The following RAPGEF5 variants were observed in gnomAD, a reference collection of about 807,000 sequenced individuals.
RAPGEF5 encodes the protein Rap guanine nucleotide exchange factor 5, also known as M-Ras-regulated GEF.
Under a neutral mutation model 125.2 loss-of-function variants are expected in RAPGEF5, and 65 were observed. That is an observed-to-expected ratio of 0.52 (90% CI 0.43 to 0.64). The LOEUF is 0.64. Ranked by LOEUF, RAPGEF5 falls within the 30% of genes least tolerant of loss-of-function variation. The pLI, the probability that RAPGEF5 is intolerant of heterozygous loss-of-function variation, is 0.00. For missense variants in RAPGEF5, 958 were observed against 1,048.1 expected (o/e 0.91, Z 1.19); for synonymous variants, 391 against 385.9 (o/e 1.01, Z -0.16).
chr7:22,314,642 A>C, intron 3 of RAPGEF5: 1 of 981,380 alleles, frequency 1.0e-6, no homozygotes, highest in South Asian at 4.7e-5. Flanking sequence ...TTTCTTTGAA[A>C]TAGAATAGTG....
chr7:22,247,022 A>T (rs1019223875), intron 7 of RAPGEF5, among the ~76,000 whole-genome samples: 1 of 152,238 alleles, frequency 6.6e-6, no homozygotes, highest in African/African-American at 2.4e-5. Context: ...TCAAAACTCC[A>T]ATGAGTTATC....
In RAPGEF5 at chr7:22,196,498, G is replaced by A. The variant is rs529619270; in HGVS notation, c.997-2465C>T. ...AATAGTGAGGGCTTGCTCCCTTTGC[G>A]TAAGGCACTGTTCTGGACACCAAGC... On this transcript the variant is annotated intron_variant, in intron 9 of 25. Coordinates refer to ENST00000665637, the MANE Select transcript of RAPGEF5 (RefSeq NM_012294.5). 1.7e-4 allele frequency among the ~76,000 whole-genome samples: 26 copies of A among 152,304 alleles called. No homozygotes were observed. In the South Asian group the frequency reaches 3.1e-3, roughly 18 times the overall value.
intron 11 of RAPGEF5, chr7:22,193,017 C>A (rs1385624447): frequency 2.8e-5 from 9 of 316,712 alleles, no homozygotes; most frequent in South Asian, 5.8e-5. Flanking sequence ...TGAACGCCTG[C>A]TAACCCTCCT....
chr7:22,248,506 C>T (rs1233006681), intron 7 of RAPGEF5, among the ~76,000 whole-genome samples: 1 of 152,156 alleles, frequency 6.6e-6, no homozygotes, highest in Admixed American at 6.5e-5. Flanking sequence ...CTTCCCTAAC[C>T]AGACCAGATG....
intron 11 of RAPGEF5, among the ~76,000 whole-genome samples, chr7:22,170,330 C>T (rs6949604): frequency 0.026 from 3,909 of 152,230 alleles, 153 homozygotes; most frequent in African/African-American, 0.089. Context: ...GCTGGGATTA[C>T]GGGCGTGAGC....
intron 9 of RAPGEF5, among the ~76,000 whole-genome samples, chr7:22,195,017 C>A (rs561439712): frequency 6.6e-6 from 1 of 152,260 alleles, no homozygotes; most frequent in East Asian, 1.9e-4. Flanking sequence ...AGGATTGGAG[C>A]AAAAGATTAA....
At chr7:22,227,539 T>C (rs1476691) in intron 8 of RAPGEF5, among the ~76,000 whole-genome samples, 105,901 of 152,086 alleles carry the variant, frequency 0.7, 37,036 homozygotes, top group East Asian at 0.85. Flanking sequence ...CAAAGTTCAA[T>C]ATATTATAAA....
chr7:22,308,281 A>C, intron 5 of RAPGEF5, 58 bp downstream of exon 5: 4 of 1,470,516 alleles, frequency 2.7e-6, no homozygotes, highest in Non-Finnish European at 3.6e-6. Context: ...TAGTCCCTAG[A>C]CATGGTAAAT....
At chr7:22,265,731 C>A (rs1782266353) in intron 7 of RAPGEF5, among the ~76,000 whole-genome samples, 1 of 152,142 alleles carries the variant, frequency 6.6e-6, no homozygotes, top group Non-Finnish European at 1.5e-5. Flanking sequence ...CACATTCTTG[C>A]CAGCATCTAT....
intron 24 of RAPGEF5, among the ~76,000 whole-genome samples, chr7:22,130,813 G>T (rs112697336): frequency 9.9e-5 from 15 of 152,142 alleles, no homozygotes; most frequent in Middle Eastern, 3.4e-3. Flanking sequence ...TTCATATTTG[G>T]TTCACAAAAA....
At chr7:22,182,285 G>C (rs766949414) in intron 11 of RAPGEF5, among the ~76,000 whole-genome samples, 1 of 152,176 alleles carries the variant, frequency 6.6e-6, no homozygotes, top group Non-Finnish European at 1.5e-5. Context: ...GAAAGAGAAA[G>C]AAGGAGACAG....
intron 8 of RAPGEF5, among the ~76,000 whole-genome samples, chr7:22,225,246 C>G (rs1785891262): frequency 6.6e-6 from 1 of 152,074 alleles, no homozygotes; most frequent in Non-Finnish European, 1.5e-5. Context: ...ATACTTGGGC[C>G]CACGAAGCAA....
chr7:22,252,407 A>G (rs1052558107), intron 7 of RAPGEF5, among the ~76,000 whole-genome samples: 27 of 152,360 alleles, frequency 1.8e-4, no homozygotes, highest in African/African-American at 6.3e-4. Context: ...AGTATTTTTG[A>G]AAACCAAGAC....
At chr7:22,251,416 C>G (rs1314021180) in intron 7 of RAPGEF5, among the ~76,000 whole-genome samples, 2 of 152,146 alleles carry the variant, frequency 1.3e-5, no homozygotes, top group Admixed American at 1.3e-4. Flanking sequence ...CTCTTGGGCC[C>G]TGCCTCAGAA....
intron 1 of RAPGEF5, among the ~76,000 whole-genome samples, chr7:22,333,709 A>G (rs1783969875): frequency 6.6e-6 from 1 of 152,240 alleles, no homozygotes; most frequent in South Asian, 2.1e-4. Flanking sequence ...ATTTGCGCGC[A>G]GGCACACACC....
chr7:22,275,732 C>T (rs1363707290), intron 6 of RAPGEF5, among the ~76,000 whole-genome samples: 1 of 152,130 alleles, frequency 6.6e-6, no homozygotes, highest in Non-Finnish European at 1.5e-5. Context: ...TTGTTCATGT[C>T]ACCTGGGAGT....
At chr7:22,324,824 A>G (rs59098991) in intron 1 of RAPGEF5, among the ~76,000 whole-genome samples, 12,241 of 152,094 alleles carry the variant, frequency 0.08, 599 homozygotes, top group Non-Finnish European at 0.11. Context: ...ACCTCCCTAC[A>G]TGTCACCTTA....
At chr7:22,186,991 G>A (rs1784844055) in intron 11 of RAPGEF5, among the ~76,000 whole-genome samples, 1 of 152,160 alleles carries the variant, frequency 6.6e-6, no homozygotes, top group Admixed American at 6.5e-5. Context: ...ATTGGACAAG[G>A]TTATATAAAA....
In RAPGEF5 at chr7:22,156,849, A is replaced by T; in HGVS notation, c.1597T>A (p.Trp533Arg). The change falls in exon 16 of 26, where the codon TGG becomes AGG. Residue 533 changes from tryptophan (W) to arginine (R), a missense_variant. Trp to Arg is a moderately radical substitution (Grantham distance 101). Transcript: ENST00000665637. ...LFHQFSLKEN[W>R]LQHRGTVTET... ...GTCACAGTTCCTCTATGCTGGAGCC[A>T]GTTCTCCTTAAGACTGAATTGGTGG... 3 of 1,614,000 alleles carry T rather than the reference A, an allele frequency of 1.9e-6. No homozygotes were observed. The highest frequency in any genetic ancestry group is 2.5e-6 in the Non-Finnish European group (3 of 1,179,874).
Sources: gnomAD v4.1 joint callset for allele counts (sites outside exome capture counted in the v4.1 genomes callset) on GRCh38, gnomAD v4.1.1 for gene constraint, MANE v1.5 for transcripts, NCBI Gene and HGNC (gene_info 2026-07-23, HGNC 2026-07-21) for gene names.